PRKG2: variants seen among roughly 807,000 people sequenced by gnomAD.
PRKG2 encodes cGMP-dependent protein kinase 2.
A neutral mutation model predicts 97.2 loss-of-function variants in PRKG2; 33 were observed. That is an observed-to-expected ratio of 0.34 (90% CI 0.26 to 0.45). PRKG2 has a LOEUF of 0.45. Ranked by LOEUF, PRKG2 falls within the 20% of genes least tolerant of loss-of-function variation. The pLI is 1.00. For missense variants in PRKG2, 638 were observed against 900.0 expected (o/e 0.71, Z 3.73); for synonymous variants, 330 against 321.8 (o/e 1.03, Z -0.27).
At chr4:81,150,533 T>C (rs561099175) in intron 8 of PRKG2, among the ~76,000 whole-genome samples, 1 of 152,334 alleles carries the variant, frequency 6.6e-6, no homozygotes, top group Non-Finnish European at 1.5e-5. Context: ...TTTAGCTTAA[T>C]GCTTTCAAAC....
Position 81,092,462 on chromosome 4 carries a change from GAGAA to G in PRKG2, c.2127-14_2127-11del. On this transcript the variant is annotated splice_polypyrimidine_tract_variant and intron_variant, in intron 17 of 18. Transcript: ENST00000264399. Reference sequence around the variant, plus strand: ...AAAACCATTTAACCACCTGAGAAATGAGAAAGGAAGGAAGGAAGGAAGGAAGGAA... The same window carrying G: ...AAAACCATTTAACCACCTGAGAAATGAGGAAGGAAGGAAGGAAGGAAGGAA... The G allele has an allele frequency of 3.8e-6, 4 of 1,063,792 alleles. No homozygotes were observed. Among genetic ancestry groups the G allele is most frequent in the Admixed American group, 2.8e-5 (1 of 35,792 alleles). 65.9% of individuals were successfully genotyped at this position (1,063,792 alleles called of 1,614,324 possible). A position where few individuals can be genotyped will look rare whatever the true frequency, so the allele number is the denominator to read the frequency against.
intron 14 of PRKG2, among the ~76,000 whole-genome samples, chr4:81,113,659 A>C (rs1007678750): frequency 3.3e-5 from 5 of 152,274 alleles, no homozygotes; most frequent in Admixed American, 3.3e-4. Flanking sequence ...TGGGTCAGTA[A>C]ATTTGTCAGA....
intron 15 of PRKG2, among the ~76,000 whole-genome samples, chr4:81,108,475 T>G (rs1293185959): frequency 6.9e-6 from 1 of 145,176 alleles, no homozygotes; most frequent in Non-Finnish European, 1.5e-5. Context: ...TTAACACTAT[T>G]GGTTTTTTTT....
intron 6 of PRKG2, among the ~76,000 whole-genome samples, chr4:81,163,942 TA>T (rs1749779824): frequency 6.6e-6 from 1 of 151,784 alleles, no homozygotes; most frequent in African/African-American, 2.4e-5. Context: ...GTGTGTCGGT[TA>T]AAAAATTGTT....
At chr4:81,188,022 G>C (rs1408428981) in intron 2 of PRKG2, among the ~76,000 whole-genome samples, 2 of 152,122 alleles carry the variant, frequency 1.3e-5, no homozygotes, top group African/African-American at 4.8e-5. Context: ...ATTGATAAAT[G>C]GGATCTCATT....
rs564423464 is a variant in PRKG2 at position 81,126,810 on chromosome 4, T to A, written c.1776+8345A>T. ...GGTAGATTGCAAAAATTTTCTCCCA[T>A]TCTGTAGGTTGCCTGTTCACTCTGA... On this transcript the variant is annotated intron_variant, in intron 14 of 18. Coordinates refer to ENST00000264399, the MANE Select transcript of PRKG2 (RefSeq NM_006259.3). 3.2e-3 allele frequency among the ~76,000 whole-genome samples: 493 copies of A among 152,294 alleles called. 1 individual carries two copies. Among genetic ancestry groups the A allele is most frequent in the African/African-American group, 0.012 (481 of 41,570 alleles).
chr4:81,111,998 A>G (rs192806150), intron 14 of PRKG2, among the ~76,000 whole-genome samples: 123 of 152,342 alleles, frequency 8.1e-4, no homozygotes, highest in Admixed American at 3.3e-3. Context: ...TTCACATAAC[A>G]AAATAAGCCC....
chr4:81,093,860 CA>C (rs1457455749), intron 17 of PRKG2, among the ~76,000 whole-genome samples: 1 of 152,138 alleles, frequency 6.6e-6, no homozygotes, highest in East Asian at 1.9e-4. Context: ...CTCTGTCTCT[CA>C]GGATCTTATA....
intron 14 of PRKG2, among the ~76,000 whole-genome samples, chr4:81,130,082 G>A (rs753346038): frequency 9.9e-5 from 15 of 151,796 alleles, no homozygotes; most frequent in Non-Finnish European, 2.1e-4. Flanking sequence ...ATTTTTCCTC[G>A]TTTTGGGAAT....
At position 81,105,809 on chromosome 4, in the gene PRKG2, T is replaced by G; in HGVS notation, c.2063+4A>C. On this transcript the variant is annotated splice_donor_region_variant and intron_variant, in intron 16 of 18. Coordinates refer to ENST00000264399, the MANE Select transcript of PRKG2 (RefSeq NM_006259.3). ...GACAAGGGGTTACTGACTGTCATTC[T>G]CACCTGCAAAGCCTCCGAATCAAAT... 6.2e-7 allele frequency: 1 copy of G among 1,613,656 alleles called. No individual in the cohort carries two copies. The highest frequency in any genetic ancestry group is 8.5e-7 in the Non-Finnish European group (1 of 1,179,664).
Position 81,169,735 on chromosome 4 carries a change from C to T in PRKG2, c.776G>A (p.Arg259Gln). The T allele has an allele frequency of 6.2e-7, 1 of 1,608,888 alleles. No individual in the cohort carries two copies. Among genetic ancestry groups the T allele is most frequent in the Non-Finnish European group, 8.5e-7 (1 of 1,177,452 alleles). Residue 259 changes from arginine to glutamine, a missense_variant, in exon 5 of 19, where the codon CGA (arginine) becomes CAA (glutamine). Around this residue, in one of 3 missense-constraint regions of PRKG2, gnomAD observed 332 missense variants for 421.7 expected, o/e 0.79. Coordinates refer to ENST00000264399, the MANE Select transcript of PRKG2 (RefSeq NM_006259.3). ...CCTCATTATATTCTGGAATACCTCT[C>T]GATCTAGTGCCCATGTTTTAACATT... ...ITNVKTWALDREVFQNIMRRT... is the reference protein window; with the variant it reads ...ITNVKTWALDQEVFQNIMRRT...
At chr4:81,152,206 T>C (rs1044099889) in intron 7 of PRKG2, 152 bp from the exon 8 acceptor site, 2 of 597,870 alleles carry the variant, frequency 3.3e-6, no homozygotes, top group Non-Finnish European at 2.9e-6. Flanking sequence ...TTAGGACAAT[T>C]ACCTACATTC....
At chr4:81,144,376 A>T (rs1560575728) in intron 9 of PRKG2, 46 bp from the exon 10 acceptor site, 5 of 1,459,256 alleles carry the variant, frequency 3.4e-6, no homozygotes. Flanking sequence ...GATAGTTACC[A>T]AGGCAACTTG....
At chr4:81,126,340 T>C (rs1254153503) in intron 14 of PRKG2, among the ~76,000 whole-genome samples, 1 of 152,214 alleles carries the variant, frequency 6.6e-6, no homozygotes, top group Non-Finnish European at 1.5e-5. Flanking sequence ...TAAACATACA[T>C]GTGCATGTGT....
intron 5 of PRKG2, among the ~76,000 whole-genome samples, chr4:81,168,930 C>T (rs185427566): frequency 2.6e-5 from 4 of 151,844 alleles, no homozygotes; most frequent in Admixed American, 1.3e-4. Flanking sequence ...TCATAGATAA[C>T]ATTTCATTAT....
At chr4:81,177,235 T>A (rs564809742) in intron 2 of PRKG2, among the ~76,000 whole-genome samples, 2 of 152,296 alleles carry the variant, frequency 1.3e-5, no homozygotes, top group East Asian at 3.9e-4. Flanking sequence ...TAAAATGTCA[T>A]TAAGCACTTA....
chr4:81,168,948 A>G (rs998031946), intron 5 of PRKG2, among the ~76,000 whole-genome samples: 1 of 151,974 alleles, frequency 6.6e-6, no homozygotes, highest in Admixed American at 6.6e-5. Context: ...TATAGAATGT[A>G]TTGCAGCTTC....
chr4:81,182,386 T>C (rs997124830), intron 2 of PRKG2, among the ~76,000 whole-genome samples: 14 of 151,992 alleles, frequency 9.2e-5, no homozygotes, highest in African/African-American at 2.9e-4. Flanking sequence ...AAATTAAGTA[T>C]AGAGGAAAAT....
At chr4:81,197,733 T>A (rs1201989511) in intron 2 of PRKG2, among the ~76,000 whole-genome samples, 1 of 151,474 alleles carries the variant, frequency 6.6e-6, no homozygotes, top group Non-Finnish European at 1.5e-5. Context: ...AGTCAGATAT[T>A]GAGAATGAGA....
Sources: gnomAD v4.1 joint callset for allele counts (sites outside exome capture counted in the v4.1 genomes callset) on GRCh38, gnomAD v4.1.1 for gene constraint, gnomAD v4.1.1 regional missense constraint, MANE v1.5 for transcripts, NCBI Gene and HGNC (gene_info 2026-07-23, HGNC 2026-07-21) for gene names.